Variants in GRM4 observed in about 807,000 individuals in gnomAD.
The protein encoded by GRM4 is glutamate metabotropic receptor 4.
GRM4 carries 28 observed loss-of-function variants against 81.7 expected under a neutral mutation model. The observed-to-expected ratio is 0.34, with a 90% CI of 0.25 to 0.47. GRM4 has a LOEUF of 0.47. Ranked by LOEUF, GRM4 falls within the 20% of genes least tolerant of loss-of-function variation. GRM4 has a pLI of 1.00. For missense variants in GRM4, 948 were observed against 1,290.0 expected, an observed-to-expected ratio of 0.73 and a Z score of 4.06; for synonymous variants, 488 against 528.8, an observed-to-expected ratio of 0.92 and a Z score of 1.06.
Position 34,133,122 on chromosome 6 carries a change from C to A in GRM4, c.375G>T (p.Ala125=). ...ALEQSLTFVQ[A]LIEKDGTEVR... ...CCTCTGTGCCATCCTTCTCGATGAG[C>A]GCCTGCACAAAGGTCAGCGACTGCT... The change falls in exon 2 of 11, where the codon GCG becomes GCT. Residue 125 remains alanine (A), a synonymous_variant. Coordinates refer to ENST00000538487, the MANE Select transcript of GRM4 (RefSeq NM_000841.4). This position sits in a 1 kb window ranked among gnomAD's most constrained non-coding sequence, Gnocchi z 6.5. The A allele has an allele frequency of 1.2e-6, 2 of 1,613,984 alleles. No homozygotes were observed. The highest frequency in any genetic ancestry group is 1.7e-6 in the Non-Finnish European group (2 of 1,179,918).
intron 2 of GRM4, among the ~76,000 whole-genome samples, chr6:34,095,113 T>C (rs1424429009): frequency 6.6e-6 from 1 of 152,154 alleles, no homozygotes; most frequent in Non-Finnish European, 1.5e-5. Flanking sequence ...CTGCAGGATA[T>C]GCGCGTCAGC....
Position 34,069,202 on chromosome 6 carries a change from A to ACACACACACGCACG in GRM4, c.737-7175_737-7174insCGTGCGTGTGTGTG, listed in dbSNP as rs1316022947. The stretch of plus-strand genomic sequence containing the variant: ...CACACACACACACACACACACACAC[A>ACACACACACGCACG]CACGCACGCACACACGGCTCCTTCC... On this transcript the variant is annotated intron_variant, in intron 3 of 10. Transcript: ENST00000538487. This position sits in a 1 kb window ranked among gnomAD's most constrained non-coding sequence, Gnocchi z 6.4. Among the ~76,000 whole-genome samples, 7 of 142,254 alleles carry ACACACACACGCACG rather than the reference A, an allele frequency of 4.9e-5. No individual in the cohort carries two copies. The highest frequency in any genetic ancestry group is 1.4e-4 in the African/African-American group (5 of 35,034). 93.3% of individuals were successfully genotyped at this position (142,254 alleles called of 152,430 possible).
chr6:34,044,191 T>TAC (rs200421962), intron 6 of GRM4, among the ~76,000 whole-genome samples: 7 of 144,806 alleles, frequency 4.8e-5, no homozygotes, highest in Non-Finnish European at 9.0e-5. Flanking sequence ...TACACATATA[T>TAC]ACACACACAT....
chr6:34,061,798 G>C, intron 4 of GRM4, 95 bp downstream of exon 4: 2 of 1,366,880 alleles, frequency 1.5e-6, no homozygotes, highest in Non-Finnish European at 2.0e-6. Context: ...GGTGGGGTCA[G>C]GCTCGCCTGG....
rs746693453 is a variant in GRM4, at chr6:34,035,781, C to G, written c.2329G>C (p.Val777Leu). Reference sequence around the variant, plus strand: ...TTGGCCTCATTGAAGGTCTCGGGCACGCCGCGTGTCTTGATGGCATACACG... The same window carrying G: ...TTGGCCTCATTGAAGGTCTCGGGCAGGCCGCGTGTCTTGATGGCATACACG... Reference protein sequence around the residue: ...CTVYAIKTRGVPETFNEAKPI... With the variant: ...CTVYAIKTRGLPETFNEAKPI... The change falls in exon 9 of 11, where the codon GTG (valine) becomes CTG (leucine). Residue 777 changes from valine to leucine, a missense_variant. By Grantham distance (32) the Val-to-Leu change is conservative. Coordinates refer to ENST00000538487, the MANE Select transcript of GRM4 (RefSeq NM_000841.4). This position sits in a 1 kb window ranked among gnomAD's most constrained non-coding sequence, Gnocchi z 6.6. 3.7e-6 allele frequency: 6 copies of G among 1,613,526 alleles called. No homozygotes were observed. The Admixed American group carries it at 1.0e-4, about 27-fold the overall frequency.
At chr6:34,056,399 C>T in intron 6 of GRM4, 145 bp downstream of exon 6, 1 of 679,006 alleles carries the variant, frequency 1.5e-6, no homozygotes, top group South Asian at 1.9e-5. Context: ...CCTCCCAACT[C>T]CACCCCAGGT....
chr6:34,111,887 C>T lies in GRM4; in HGVS notation c.520-19788G>A, dbSNP rs149626620. Among the ~76,000 whole-genome samples the T allele has an allele frequency of 8.2e-4, 124 of 152,136 alleles. 4 individuals carry two copies. The East Asian group carries it at 0.021, about 26-fold the overall frequency. ...CTTGGGGGAGTGTGGCCAGACCAGA[C>T]GCACCCCCACCTGTTCCATTTCCTG... On this transcript the variant is annotated intron_variant, in intron 2 of 10. Transcript: ENST00000538487. The surrounding 1 kb of genome is among the most constrained non-coding windows in gnomAD (Gnocchi z 5.1).
chr6:34,054,006 C>T (rs73747254), intron 6 of GRM4, among the ~76,000 whole-genome samples: 2,163 of 152,266 alleles, frequency 0.014, 57 homozygotes, highest in African/African-American at 0.048. Flanking sequence ...TTTACAGCTG[C>T]CACTTACAGA....
rs1763802021 is a variant in GRM4, at chr6:34,019,676, C to T, written c.*3145G>A. 6.6e-6 allele frequency: 1 copy of T among 152,334 alleles called. No individual in the cohort carries two copies. The highest frequency in any genetic ancestry group is 2.1e-4 in the South Asian group (1 of 4,822). The allele number at this position is 152,334 out of a possible 1,614,324, so 9.4% of individuals were successfully genotyped here. On this transcript the variant is annotated 3_prime_UTR_variant, in exon 11 of 11. Transcript: ENST00000538487. Reference sequence around the variant, plus strand: ...GGGGTGAGCACATACCCCCTGCACACAGCAAAGGTCTCTAGGGGCCGCTGG... The same window carrying T: ...GGGGTGAGCACATACCCCCTGCACATAGCAAAGGTCTCTAGGGGCCGCTGG...
intron 2 of GRM4, among the ~76,000 whole-genome samples, chr6:34,109,030 G>A (rs529807384): frequency 9.9e-5 from 15 of 152,276 alleles, no homozygotes; most frequent in South Asian, 8.3e-4. Flanking sequence ...CCCGCCACTC[G>A]GGGTGAGGAC....
At chr6:34,037,976 A>C (rs1328297567) in intron 8 of GRM4, among the ~76,000 whole-genome samples, 1 of 152,324 alleles carries the variant, frequency 6.6e-6, no homozygotes, top group East Asian at 1.9e-4. Context: ...GGCTCTGGGC[A>C]TGACAGGATG....
intron 6 of GRM4, among the ~76,000 whole-genome samples, chr6:34,041,102 C>T (rs1765000874): frequency 6.6e-6 from 1 of 152,192 alleles, no homozygotes; most frequent in African/African-American, 2.4e-5. Context: ...GTTGCCTTCC[C>T]CCAAGCCTGG....
Position 34,069,881 on chromosome 6 carries a change from C to T in GRM4, c.737-7853G>A, listed in dbSNP as rs1417071128. ...ACCCCCACCTCAGCTGCTCAGCCAC[C>T]CTCTAGCTCCCCACCCAGTTCTTCC... is the stretch of plus-strand genomic sequence containing the variant. On this transcript the variant is annotated intron_variant, in intron 3 of 10. Coordinates refer to ENST00000538487, the MANE Select transcript of GRM4 (RefSeq NM_000841.4). This position sits in a 1 kb window ranked among gnomAD's most constrained non-coding sequence, Gnocchi z 6.4. 1.3e-5 allele frequency among the ~76,000 whole-genome samples: 2 copies of T among 152,168 alleles called. No homozygotes were observed. Among genetic ancestry groups the T allele is most frequent in the African/African-American group, 4.8e-5 (2 of 41,438 alleles).
intron 1 of GRM4, among the ~76,000 whole-genome samples, chr6:34,139,800 A>G (rs1217850764): frequency 6.6e-6 from 1 of 152,174 alleles, no homozygotes; most frequent in Admixed American, 6.5e-5. Context: ...CTGAATTCTC[A>G]CAACTCTGTT....
At chr6:34,138,273 G>C (rs1347110934) in intron 1 of GRM4, among the ~76,000 whole-genome samples, 1 of 152,148 alleles carries the variant, frequency 6.6e-6, no homozygotes, top group Non-Finnish European at 1.5e-5. Context: ...TCAGCAAAAA[G>C]AGCCAGGCCA....
Position 34,036,358 on chromosome 6 carries a change from GC to G in GRM4, c.1751del (p.Gly584AlafsTer23). 1 of 1,613,458 alleles carries G rather than the reference GC, an allele frequency of 6.2e-7. No homozygotes were observed. The highest frequency in any genetic ancestry group is 8.5e-7 in the Non-Finnish European group (1 of 1,179,650). The stretch of plus-strand genomic sequence containing the variant: ...AGAGGGGCAGCACGGCCCAGGGCGA[GC>G]CCCACTCAAGCTTGATGATGGGGAT... ...RPIPIIKLEW[G>X]SPWAVLPLFL... On this transcript the variant is annotated frameshift_variant, in exon 9 of 11. Transcript: ENST00000538487. LOFTEE classifies it high-confidence loss of function. This position sits in a 1 kb window ranked among gnomAD's most constrained non-coding sequence, Gnocchi z 9.0.
At chr6:34,026,551 C>T (rs574447722) in intron 10 of GRM4, among the ~76,000 whole-genome samples, 61 of 152,204 alleles carry the variant, frequency 4.0e-4, no homozygotes, top group Non-Finnish European at 6.8e-4. Context: ...AGCCTGGAGA[C>T]CCCCAGGCCC....
intron 3 of GRM4, among the ~76,000 whole-genome samples, chr6:34,071,579 C>T (rs1190318733): frequency 7.0e-6 from 1 of 142,700 alleles, no homozygotes; most frequent in Non-Finnish European, 1.6e-5. Flanking sequence ...CACACACACA[C>T]ACACATCACC....
rs1766766465 is a variant in GRM4, at chr6:34,070,561, C to A, written c.737-8533G>T. Among the ~76,000 whole-genome samples, 1 of 151,982 alleles carries A rather than the reference C, an allele frequency of 6.6e-6. No homozygotes were observed. Among genetic ancestry groups the A allele is most frequent in the Non-Finnish European group, 1.5e-5 (1 of 68,002 alleles). On this transcript the variant is annotated intron_variant, in intron 3 of 10. Transcript: ENST00000538487. This position sits in a 1 kb window ranked among gnomAD's most constrained non-coding sequence, Gnocchi z 4.6. ...GCAGGTCTGCCCCCTGGAGCCAACA[C>A]CTCTGGGGAGCGGGTAAGGCCTAGT...
Sources: allele counts gnomAD v4.1 joint callset (sites outside exome capture counted in the v4.1 genomes callset), GRCh38; gene constraint gnomAD v4.1.1; non-coding constraint Gnocchi (gnomAD v3.1); transcripts MANE v1.5; gene names NCBI Gene and HGNC (gene_info 2026-07-23, HGNC 2026-07-21).